The following SLC25A48 variants were observed in gnomAD, a reference collection of about 807,000 sequenced individuals.
The protein encoded by SLC25A48 is CTC-321K16.1.
Under a neutral mutation model 32.2 loss-of-function variants are expected in SLC25A48, and 29 were observed. That is an observed-to-expected ratio of 0.90 (90% confidence interval 0.67 to 1.23). SLC25A48 has a LOEUF of 1.23. SLC25A48 is among the 50% of genes most tolerant of loss of function. The pLI, the probability that SLC25A48 is intolerant of heterozygous loss-of-function variation, is 0.00. For missense variants in SLC25A48, 399 were observed against 422.7 expected (o/e 0.94, Z 0.49); for synonymous variants, 164 against 172.3 (o/e 0.95, Z 0.38).
chr5:135,702,388 G>A (rs1754414447), intron 3 of SLC25A48, among the ~76,000 whole-genome samples: 1 of 152,214 alleles, frequency 6.6e-6, no homozygotes, highest in Non-Finnish European at 1.5e-5. Context: ...ACAGAGGCAG[G>A]GATGGGAGTG....
intron 3 of SLC25A48, among the ~76,000 whole-genome samples, chr5:135,732,487 TGG>T (rs1232415976): frequency 6.6e-6 from 1 of 152,124 alleles, no homozygotes; most frequent in Non-Finnish European, 1.5e-5. Flanking sequence ...TTGCCAGTCC[TGG>T]GCAGGGGCAA....
At chr5:135,642,582 A>G (rs892836855) in intron 3 of SLC25A48, among the ~76,000 whole-genome samples, 58 of 152,202 alleles carry the variant, frequency 3.8e-4, no homozygotes, top group Admixed American at 2.0e-3. Flanking sequence ...TGCTGGCTAC[A>G]TTGTTTTCTT....
intron 3 of SLC25A48, among the ~76,000 whole-genome samples, chr5:135,765,213 C>G (rs1379290611): frequency 6.6e-6 from 1 of 151,020 alleles, no homozygotes; most frequent in African/African-American, 2.4e-5. Context: ...TTGTAATATC[C>G]AGGGTGGGAG....
In SLC25A48 at chr5:135,611,253, T is replaced by C. The variant is rs189384779; in HGVS notation, c.-848-17984T>C. Among the ~76,000 whole-genome samples the C allele has an allele frequency of 1.9e-3, 289 of 152,206 alleles. 4 individuals are homozygous for C. The highest frequency in any genetic ancestry group is 6.5e-3 in the African/African-American group (271 of 41,552). ...GCCGGGGTGCGGTGACTTGTGCCTG[T>C]AATCCCAGCACTTCGGGAGACTGAG... On this transcript the variant is annotated intron_variant, in intron 1 of 10. Transcript: ENST00000646290.
Position 135,888,261 on chromosome 5 carries a change from C to T in SLC25A48, c.*237C>T. On this transcript the variant is annotated 3_prime_UTR_variant, in exon 8 of 8. Transcript: ENST00000681962. ...CCCAATGCCCACTCTGCTAGGCTGG[C>T]ATCAAAGAGCTTTCCAAGAAATGTT... The T allele has an allele frequency of 1.9e-6, 1 of 527,132 alleles. No individual in the cohort carries two copies. Among genetic ancestry groups the T allele is most frequent in the Non-Finnish European group, 3.3e-6 (1 of 299,908 alleles). 32.7% of individuals were successfully genotyped at this position (527,132 alleles called of 1,614,324 possible). A position where few individuals can be genotyped will look rare whatever the true frequency, so the allele number is the denominator to read the frequency against.
At chr5:135,635,925 C>T (rs1752692711) in intron 3 of SLC25A48, among the ~76,000 whole-genome samples, 1 of 152,154 alleles carries the variant, frequency 6.6e-6, no homozygotes. Context: ...CAAAGTAAGT[C>T]CATCCCGAAG....
At chr5:135,724,699 T>C (rs1052652141) in intron 3 of SLC25A48, among the ~76,000 whole-genome samples, 11 of 152,256 alleles carry the variant, frequency 7.2e-5, no homozygotes, top group Non-Finnish European at 1.5e-4. Flanking sequence ...AACCTTGGTC[T>C]CTTGACCTAT....
At chr5:135,650,585 T>G in intron 3 of SLC25A48, 1 of 340,640 alleles carries the variant, frequency 2.9e-6, no homozygotes, top group South Asian at 2.2e-5. Context: ...ACAGAACTCT[T>G]TCTTTCAAAG....
chr5:135,839,927 T>C (rs1758848390), intron 1 of SLC25A48, among the ~76,000 whole-genome samples: 1 of 152,254 alleles, frequency 6.6e-6, no homozygotes, highest in Non-Finnish European at 1.5e-5. Context: ...TCCACCATGA[T>C]TGTGTGGCCT....
intron 3 of SLC25A48, among the ~76,000 whole-genome samples, chr5:135,780,398 T>G (rs1756692229): frequency 8.5e-6 from 1 of 117,006 alleles, no homozygotes; most frequent in South Asian, 3.0e-4. Flanking sequence ...ATATTGTTTC[T>G]TATATGCAGG....
intron 3 of SLC25A48, chr5:135,649,125 A>C (rs982086200): frequency 1.3e-5 from 2 of 152,270 alleles, no homozygotes; most frequent in Non-Finnish European, 2.9e-5. Flanking sequence ...ATTTATGGGA[A>C]GATGGAGTAG....
At chr5:135,755,082 A>G (rs1755863706) in intron 3 of SLC25A48, among the ~76,000 whole-genome samples, 1 of 152,016 alleles carries the variant, frequency 6.6e-6, no homozygotes, top group Non-Finnish European at 1.5e-5. Context: ...TATTTATAAT[A>G]TCCAGTGTTT....
intron 4 of SLC25A48, chr5:135,824,735 C>G (rs1757984162): frequency 6.6e-6 from 1 of 152,372 alleles, no homozygotes; most frequent in South Asian, 2.1e-4. Flanking sequence ...GCTGGTCACA[C>G]AGGGGCTCCC....
chr5:135,800,614 G>A (rs376499123), intron 3 of SLC25A48, among the ~76,000 whole-genome samples: 2 of 151,800 alleles, frequency 1.3e-5, no homozygotes, highest in Admixed American at 6.6e-5. Flanking sequence ...CCACCCTCCC[G>A]GGTGATGTTG....
chr5:135,720,624 A>G (rs982521609), intron 3 of SLC25A48, among the ~76,000 whole-genome samples: 2 of 152,220 alleles, frequency 1.3e-5, no homozygotes, highest in Non-Finnish European at 2.9e-5. Context: ...CCCGATATCC[A>G]TCTGCCCCAT....
At chr5:135,839,046 C>T (rs1758775751) in intron 1 of SLC25A48, among the ~76,000 whole-genome samples, 1 of 152,206 alleles carries the variant, frequency 6.6e-6, no homozygotes, top group East Asian at 1.9e-4. Flanking sequence ...ACACTCATTG[C>T]CAGCCTCATG....
chr5:135,758,228 C>A (rs1755971045), intron 3 of SLC25A48, among the ~76,000 whole-genome samples: 1 of 150,618 alleles, frequency 6.6e-6, no homozygotes, highest in African/African-American at 2.4e-5. Context: ...AATAGAATAT[C>A]TCTATGATAT....
chr5:135,819,858 G>A (rs1374156150), intron 4 of SLC25A48, among the ~76,000 whole-genome samples: 1 of 152,092 alleles, frequency 6.6e-6, no homozygotes, highest in Non-Finnish European at 1.5e-5. Context: ...TCAAGAAAAT[G>A]CAAATTAAAA....
At chr5:135,861,662 A>T (rs181451424) in intron 4 of SLC25A48, among the ~76,000 whole-genome samples, 363 of 152,320 alleles carry the variant, frequency 2.4e-3, no homozygotes, top group Admixed American at 5.2e-3. Context: ...TTCCTCTTTT[A>T]AAAATAGTGG....
Sources: gnomAD v4.1 joint callset for allele counts (sites outside exome capture counted in the v4.1 genomes callset) on GRCh38, gnomAD v4.1.1 for gene constraint, MANE v1.5 for transcripts, NCBI Gene and HGNC (gene_info 2026-07-23, HGNC 2026-07-21) for gene names.